KDM5A: variants seen among roughly 807,000 people sequenced by gnomAD.
The protein encoded by KDM5A is lysine demethylase 5A, also known as lysine-specific demethylase 5A.
A neutral mutation model predicts 193.5 loss-of-function variants in KDM5A; 42 were observed. That is an observed-to-expected ratio of 0.22 (90% CI 0.17 to 0.28). The LOEUF is 0.28. Among genes scored for constraint, KDM5A ranks in the 10% least tolerant of loss-of-function variants. KDM5A has a pLI of 1.00. For synonymous variants in KDM5A, 796 were observed against 718.1 expected (o/e 1.11, Z -1.73); for missense variants, 1,692 against 2,055.1 (o/e 0.82, Z 3.42).
chr12:341,204 C>T (rs1944000390), intron 10 of KDM5A, among the ~76,000 whole-genome samples: 1 of 152,128 alleles, frequency 6.6e-6, no homozygotes, highest in South Asian at 2.1e-4. Flanking sequence ...ATAATGAGAT[C>T]ACTACCTTCC....
At chr12:311,520 A>G (rs748324508) in intron 20 of KDM5A, among the ~76,000 whole-genome samples, 1 of 151,990 alleles carries the variant, frequency 6.6e-6, no homozygotes, top group Non-Finnish European at 1.5e-5. Context: ...AACACATGAT[A>G]GTTACCTATA....
At chr12:327,257 T>C (rs994300024) in intron 14 of KDM5A, among the ~76,000 whole-genome samples, 4 of 152,186 alleles carry the variant, frequency 2.6e-5, no homozygotes, top group Non-Finnish European at 4.4e-5. Flanking sequence ...TAATGTCCCA[T>C]TCAGGTTAAA....
At chr12:357,673 C>T (rs746440626) in intron 5 of KDM5A, among the ~76,000 whole-genome samples, 5 of 151,192 alleles carry the variant, frequency 3.3e-5, no homozygotes, top group Non-Finnish European at 7.4e-5. Context: ...ACTAAAAATA[C>T]AAAAATTAGC....
chr12:373,830 G>A lies in KDM5A; in HGVS notation c.367-7726C>T, dbSNP rs138663483. On this transcript the variant is annotated intron_variant, in intron 3 of 27. Transcript: ENST00000399788. The stretch of plus-strand genomic sequence containing the variant: ...ACATCTTTATTTCTGCCTTCATTTC[G>A]TTATGTACCCAGTAGTCATTCAGGA... Among the ~76,000 whole-genome samples the A allele has an allele frequency of 2.4e-3, 360 of 152,210 alleles. 2 individuals are homozygous for A. Among genetic ancestry groups the A allele is most frequent in the African/African-American group, 5.8e-3 (241 of 41,542 alleles).
intron 10 of KDM5A, among the ~76,000 whole-genome samples, chr12:345,336 C>T (rs182440351): frequency 3.3e-5 from 5 of 152,246 alleles, no homozygotes; most frequent in Admixed American, 2.0e-4. Context: ...TTTAACAACC[C>T]ACTGTCAATA....
At chr12:388,113 A>T in intron 1 of KDM5A, 1 of 291,682 alleles carries the variant, frequency 3.4e-6, no homozygotes, top group Non-Finnish European at 7.0e-6. Context: ...TGGTCCAGCA[A>T]CATCATTTAA....
intron 1 of KDM5A, 102 bp downstream of exon 1, chr12:388,825 G>A (rs539137636): frequency 7.3e-7 from 1 of 1,362,392 alleles, no homozygotes; most frequent in Non-Finnish European, 1.1e-6. Flanking sequence ...TCAAAAGAGA[G>A]TACATATGAA....
chr12:361,009 A>C (rs1237535952), intron 5 of KDM5A, among the ~76,000 whole-genome samples: 2 of 152,354 alleles, frequency 1.3e-5, no homozygotes, highest in East Asian at 3.9e-4. Context: ...AAGTTCTACC[A>C]GAAAGCCTTT....
At chr12:346,782 A>G (rs1944082623) in intron 10 of KDM5A, among the ~76,000 whole-genome samples, 1 of 152,208 alleles carries the variant, frequency 6.6e-6, no homozygotes, top group Non-Finnish European at 1.5e-5. Flanking sequence ...AATAAGAGCT[A>G]TTTATGACAA....
Position 291,597 on chromosome 12 carries a change from G to C in KDM5A, c.4866+1162C>G, listed in dbSNP as rs1943294924. On this transcript the variant is annotated intron_variant, in intron 27 of 27. Transcript: ENST00000399788. ...AAGGTTTAAGTATTTCATTGAAAAA[G>C]TGAGGGCATAACCTATAGGGAACAG... is the stretch of plus-strand genomic sequence containing the variant. 2.0e-5 allele frequency among the ~76,000 whole-genome samples: 3 copies of C among 152,140 alleles called. No individual in the cohort carries two copies. The South Asian group carries it at 6.2e-4, about 32-fold the overall frequency.
chr12:307,219 G>T lies in KDM5A; in HGVS notation c.3931-130C>A. The T allele has an allele frequency of 8.7e-7, 1 of 1,144,644 alleles. No homozygotes were observed. Among genetic ancestry groups the T allele is most frequent in the Non-Finnish European group, 1.3e-6 (1 of 778,344 alleles). 70.9% of individuals were successfully genotyped at this position (1,144,644 alleles called of 1,614,324 possible). A position where few individuals can be genotyped will look rare whatever the true frequency, so the allele number is the denominator to read the frequency against. On this transcript the variant is annotated intron_variant, in intron 23 of 27. Transcript: ENST00000399788. The surrounding 1 kb of genome is among the most constrained non-coding windows in gnomAD (Gnocchi z 4.3). ...TAACAGAGTTCTTCAACAGTTAGTA[G>T]AAATCAAATTATTTGATTATGATGC...
intron 10 of KDM5A, among the ~76,000 whole-genome samples, chr12:339,045 G>T (rs764323388): frequency 6.6e-6 from 1 of 152,168 alleles, no homozygotes; most frequent in Admixed American, 6.5e-5. Context: ...GGGCGTGGTG[G>T]TGCGTGCCTG....
intron 13 of KDM5A, chr12:329,294 T>C: frequency 6.3e-6 from 3 of 475,974 alleles, no homozygotes; most frequent in Admixed American, 3.4e-5. Flanking sequence ...TTATTGTATA[T>C]CAAGAAGGAG....
At chr12:342,863 G>A (rs762530223) in intron 10 of KDM5A, among the ~76,000 whole-genome samples, 2 of 151,460 alleles carry the variant, frequency 1.3e-5, no homozygotes, top group African/African-American at 2.4e-5. Flanking sequence ...CGTGCTCAAC[G>A]CAGAAGACGG....
intron 10 of KDM5A, 124 bp from the exon 11 acceptor site, chr12:334,546 G>A: frequency 7.0e-6 from 5 of 711,018 alleles, no homozygotes; most frequent in South Asian, 1.6e-5. Flanking sequence ...CATACAATCT[G>A]TGCTCTTTGC....
At chr12:335,077 C>A (rs1386633486) in intron 10 of KDM5A, among the ~76,000 whole-genome samples, 3 of 152,118 alleles carry the variant, frequency 2.0e-5, no homozygotes, top group Non-Finnish European at 4.4e-5. Flanking sequence ...AACCATTATA[C>A]AAACACACCT....
At chr12:330,953 A>T (rs960428725) in intron 13 of KDM5A, among the ~76,000 whole-genome samples, 1 of 152,160 alleles carries the variant, frequency 6.6e-6, no homozygotes, top group East Asian at 1.9e-4. Context: ...CTCCCAAGCA[A>T]CATAACAGCC....
At chr12:304,434 C>G (rs1270466731) in intron 24 of KDM5A, among the ~76,000 whole-genome samples, 5 of 137,260 alleles carry the variant, frequency 3.6e-5, no homozygotes, top group African/African-American at 5.4e-5. Context: ...GGAAAATGCT[C>G]AAGAGTATAG....
intron 7 of KDM5A, among the ~76,000 whole-genome samples, chr12:354,832 C>G (rs145290525): frequency 1.3e-5 from 2 of 151,888 alleles, no homozygotes; most frequent in Admixed American, 6.6e-5. Flanking sequence ...TTTAAAAATA[C>G]CATGTCCTTC....
Sources: gnomAD v4.1 joint callset for allele counts (sites outside exome capture counted in the v4.1 genomes callset) on GRCh38, gnomAD v4.1.1 for gene constraint, Gnocchi (gnomAD v3.1) non-coding constraint, MANE v1.5 for transcripts, NCBI Gene and HGNC (gene_info 2026-07-23, HGNC 2026-07-21) for gene names.